SNAPC1: variants seen among roughly 807,000 people sequenced by gnomAD.
SNAPC1 encodes small nuclear RNA activating complex polypeptide 1.
Under a neutral mutation model 50.1 loss-of-function variants are expected in SNAPC1, and 42 were observed. The observed-to-expected ratio is 0.84, with a 90% confidence interval of 0.65 to 1.08. The LOEUF (loss-of-function observed/expected upper bound fraction) is 1.08. Ranked by LOEUF, SNAPC1 falls within the 50% of genes least tolerant of loss-of-function variation. The pLI, the probability that SNAPC1 is intolerant of heterozygous loss-of-function variation, is 0.00. For missense variants in SNAPC1, 477 were observed against 427.3 expected, an observed-to-expected ratio of 1.12 and a Z score of -1.02; for synonymous variants, 164 against 144.2, an observed-to-expected ratio of 1.14 and a Z score of -0.98.
chr14:61,796,177 T>C lies in SNAPC1; in HGVS notation c.*1194T>C, dbSNP rs2045188298. ...AGTGAAACCCCGTCTCTAATAAAAA[T>C]ACGAAAAATTAGCCAGGCGTGGTGG... is the stretch of plus-strand genomic sequence containing the variant. On this transcript the variant is annotated 3_prime_UTR_variant, in exon 10 of 10. Coordinates refer to ENST00000216294, the MANE Select transcript of SNAPC1 (RefSeq NM_003082.4). 1 of 152,032 alleles carries C rather than the reference T, an allele frequency of 6.6e-6. No homozygotes were observed. Among genetic ancestry groups the C allele is most frequent in the East Asian group, 1.9e-4 (1 of 5,182 alleles). The allele number at this position is 152,032 out of a possible 1,614,324, so 9.4% of individuals were successfully genotyped here.
rs907118623 is a variant in SNAPC1, at chr14:61,774,658, T to C, written c.535-1437T>C. 9.7e-3 allele frequency among the ~76,000 whole-genome samples: 1,351 copies of C among 139,648 alleles called. 33 individuals are homozygous for C. Among genetic ancestry groups the C allele is most frequent in the Non-Finnish European group, 0.014 (894 of 64,246 alleles). 91.6% of individuals were successfully genotyped at this position (139,648 alleles called of 152,430 possible). Reference sequence around the variant, plus strand: ...ATTGATCAGTTTCTCATTTTTTTTTTTTTTTTTTTTTTTTTTTTTTGAGAG... The same window carrying C: ...ATTGATCAGTTTCTCATTTTTTTTTCTTTTTTTTTTTTTTTTTTTTGAGAG... On this transcript the variant is annotated intron_variant, in intron 4 of 9. Transcript: ENST00000216294.
intron 1 of SNAPC1, among the ~76,000 whole-genome samples, chr14:61,762,981 CTTTTTT>C (rs145378546): frequency 3.4e-4 from 25 of 73,036 alleles, no homozygotes; most frequent in South Asian, 1.3e-3. Flanking sequence ...CCAAAGTTGT[CTTTTTT>C]TTTTTTTTTT....
At chr14:61,773,664 G>C (rs1311440247) in intron 4 of SNAPC1, among the ~76,000 whole-genome samples, 2 of 150,566 alleles carry the variant, frequency 1.3e-5, no homozygotes, top group Non-Finnish European at 2.9e-5. Flanking sequence ...CCAAAGTGCT[G>C]GGATTGCAGG....
chr14:61,783,448 T>G (rs926189749), intron 8 of SNAPC1, among the ~76,000 whole-genome samples: 2 of 151,202 alleles, frequency 1.3e-5, no homozygotes, highest in Non-Finnish European at 3.0e-5. Flanking sequence ...GATGTCCTTT[T>G]TCTTTGACAC....
chr14:61,783,283 G>C (rs1318797135), intron 8 of SNAPC1, among the ~76,000 whole-genome samples: 4 of 151,682 alleles, frequency 2.6e-5, no homozygotes, highest in Admixed American at 1.3e-4. Context: ...CACCTGCCTT[G>C]GCTTCCCAAA....
chr14:61,794,458 T>G (rs1191388539), intron 9 of SNAPC1, among the ~76,000 whole-genome samples: 1 of 152,112 alleles, frequency 6.6e-6, no homozygotes, highest in African/African-American at 2.4e-5. Context: ...CAGGCTGGAG[T>G]GCAGTGGCAC....
At chr14:61,780,336 G>A (rs56098919) in intron 7 of SNAPC1, among the ~76,000 whole-genome samples, 3 of 152,022 alleles carry the variant, frequency 2.0e-5, no homozygotes, top group Non-Finnish European at 2.9e-5. Flanking sequence ...ATCCTTTCTC[G>A]TTTAGCCTCT....
chr14:61,776,022 T>A, intron 4 of SNAPC1, 73 bp from the exon 5 acceptor site: 1 of 1,189,644 alleles, frequency 8.4e-7, no homozygotes. Flanking sequence ...AAGGTGACTA[T>A]TTTGTGTTGG....
In SNAPC1 at chr14:61,767,704, C is replaced by T. The variant is rs1294345237; in HGVS notation, c.429+352C>T. ...GTCTTGATCTCTTGACCTCGTGATC[C>T]ACTCACCTTGGCCTACCAAAGTGTT... On this transcript the variant is annotated intron_variant, in intron 3 of 9. Coordinates refer to ENST00000216294, the MANE Select transcript of SNAPC1 (RefSeq NM_003082.4). 2.0e-5 allele frequency among the ~76,000 whole-genome samples: 3 copies of T among 152,212 alleles called. No homozygotes were observed. In the East Asian group the frequency reaches 5.8e-4, roughly 29 times the overall value.
chr14:61,770,234 C>CTTT (rs72091048), intron 4 of SNAPC1, among the ~76,000 whole-genome samples: 2,386 of 133,884 alleles, frequency 0.018, 43 homozygotes, highest in Admixed American at 0.027. Context: ...CCCCCATGTT[C>CTTT]TTTTTTTTTT....
At chr14:61,770,589 C>G (rs2044981547) in intron 4 of SNAPC1, among the ~76,000 whole-genome samples, 1 of 152,078 alleles carries the variant, frequency 6.6e-6, no homozygotes, top group African/African-American at 2.4e-5. Context: ...GTTTGTAATT[C>G]AGGTAGCAAA....
Position 61,776,211 on chromosome 14 carries a change from G to C in SNAPC1, c.651G>C (p.Lys217Asn). ...AGGATGATTTTTTTGACAATATTAA[G>C]AACATAGTTTTGGAGCATCAGCAGT... ...LIKDDFFDNI[K>N]NIVLEHQQWH... is the part of the protein sequence containing the mutation. The change falls in exon 5 of 10, where the codon AAG becomes AAC. Residue 217 changes from lysine (K) to asparagine (N), a missense_variant. Lys to Asn is a moderately conservative substitution (Grantham distance 94). Transcript: ENST00000216294. The C allele has an allele frequency of 1.2e-6, 2 of 1,613,114 alleles. No homozygotes were observed. Among genetic ancestry groups the C allele is most frequent in the Non-Finnish European group, 1.7e-6 (2 of 1,179,644 alleles).
chr14:61,771,781 A>G (rs1187447223), intron 4 of SNAPC1, among the ~76,000 whole-genome samples: 1 of 152,124 alleles, frequency 6.6e-6, no homozygotes, highest in Non-Finnish European at 1.5e-5. Flanking sequence ...CAGAAGGCAT[A>G]CTTTTTCCTT....
Position 61,794,935 on chromosome 14 carries a change from C to T in SNAPC1, c.1073-14C>T. 1.3e-6 allele frequency: 2 copies of T among 1,540,256 alleles called. No individual in the cohort carries two copies. Among genetic ancestry groups the T allele is most frequent in the South Asian group, 1.2e-5 (1 of 85,680 alleles). On this transcript the variant is annotated splice_polypyrimidine_tract_variant and intron_variant, in intron 9 of 9. Coordinates refer to ENST00000216294, the MANE Select transcript of SNAPC1 (RefSeq NM_003082.4). Reference sequence around the variant, plus strand: ...TTTTTAGATCTGACTGACTTTTAAACTTTATGTCTTTAGAGTTCACTGCAT... The same window carrying T: ...TTTTTAGATCTGACTGACTTTTAAATTTTATGTCTTTAGAGTTCACTGCAT...
At chr14:61,773,332 A>G (rs1391703638) in intron 4 of SNAPC1, among the ~76,000 whole-genome samples, 1 of 150,762 alleles carries the variant, frequency 6.6e-6, no homozygotes, top group East Asian at 2.0e-4. Context: ...ACTATGCTAG[A>G]TGTTTTATGT....
chr14:61,768,855 CT>C (rs2140175282), intron 4 of SNAPC1, 115 bp downstream of exon 4: 1 of 568,562 alleles, frequency 1.8e-6, no homozygotes, highest in South Asian at 2.5e-5. Context: ...TTTAACCACT[CT>C]AGGATGCTAT....
intron 9 of SNAPC1, among the ~76,000 whole-genome samples, chr14:61,793,914 C>T (rs980255739): frequency 1.1e-4 from 17 of 152,164 alleles, no homozygotes; most frequent in Admixed American, 8.5e-4. Context: ...CCTTGGCTTC[C>T]CAAAGTGCTG....
intron 5 of SNAPC1, among the ~76,000 whole-genome samples, chr14:61,777,661 T>C (rs1330344932): frequency 6.6e-6 from 1 of 151,550 alleles, no homozygotes; most frequent in Non-Finnish European, 1.5e-5. Context: ...CCCAGGCTGG[T>C]TTGGAACTCC....
chr14:61,772,237 C>T (rs1256586462), intron 4 of SNAPC1, among the ~76,000 whole-genome samples: 2 of 152,082 alleles, frequency 1.3e-5, no homozygotes, highest in Admixed American at 6.6e-5. Context: ...GCTAGGCCCT[C>T]ACCACCATGC....
Sources: gnomAD v4.1 joint callset for allele counts (sites outside exome capture counted in the v4.1 genomes callset) on GRCh38, gnomAD v4.1.1 for gene constraint, MANE v1.5 for transcripts, NCBI Gene and HGNC (gene_info 2026-07-23, HGNC 2026-07-21) for gene names.